Variants in DIP2A observed in about 807,000 individuals in gnomAD.
DIP2A encodes DIP2 acetate--CoA ligase A.
In DIP2A, 85 loss-of-function variants were observed where a neutral mutation model predicts 177.4. That is an observed-to-expected ratio of 0.48 (90% CI 0.40 to 0.57). The LOEUF (loss-of-function observed/expected upper bound fraction) is 0.57, where lower values mean the gene tolerates loss of function less well. Among genes scored for constraint, DIP2A ranks in the 20% least tolerant of loss-of-function variants. The probability of loss-of-function intolerance (pLI) is 0.00; values close to 1 mark genes in which losing one functional copy is unlikely to be tolerated. For synonymous variants in DIP2A, 886 were observed against 881.8 expected (o/e 1.00, Z -0.08); for missense variants, 1,791 against 2,100.2 (o/e 0.85, Z 2.88).
intron 8 of DIP2A, among the ~76,000 whole-genome samples, chr21:46,518,358 G>A (rs76619563): frequency 0.058 from 8,781 of 152,264 alleles, 333 homozygotes; most frequent in Non-Finnish European, 0.082. Context: ...TGGCCCATCA[G>A]TGTGGGTGGG....
At chr21:46,519,944 G>A (rs1019819978) in intron 8 of DIP2A, among the ~76,000 whole-genome samples, 2 of 130,800 alleles carry the variant, frequency 1.5e-5, no homozygotes, top group East Asian at 2.4e-4. Context: ...GTGCGATCTC[G>A]GCTCACTGCA....
rs775601186 is a variant in DIP2A, at chr21:46,558,255, G to C, written c.3831G>C (p.Thr1277=). 1.9e-6 allele frequency: 3 copies of C among 1,612,712 alleles called. No homozygotes were observed. Among genetic ancestry groups the C allele is most frequent in the Non-Finnish European group, 2.5e-6 (3 of 1,179,792 alleles). ...MKGVNLSCVR[T]CMVVAEERPR... is the part of the protein sequence containing the mutation. ...GGGTGAACCTGTCATGTGTGCGCAC[G>C]TGCATGGTGGTCGCCGAGGAGCGGC... is the stretch of plus-strand genomic sequence containing the variant. The change falls in exon 32 of 38, where the codon ACG becomes ACC. Residue 1277 remains threonine (T), a synonymous_variant. Transcript: ENST00000417564.
In DIP2A at chr21:46,556,516, T is replaced by C; in HGVS notation, c.3499-423T>C. ...GGCCAACGTGGTGAAACCCCGTCTC[T>C]ACTAAAAATACAAAAAATTAGCTGG... On this transcript the variant is annotated intron_variant, in intron 29 of 37. Coordinates refer to ENST00000417564, the MANE Select transcript of DIP2A (RefSeq NM_015151.4). This position sits in a 1 kb window ranked among gnomAD's most constrained non-coding sequence, Gnocchi z 4.5. 2 of 532,554 alleles carry C rather than the reference T, an allele frequency of 3.8e-6. No individual in the cohort carries two copies. 33.0% of individuals were successfully genotyped at this position (532,554 alleles called of 1,614,324 possible).
rs111391112 is a variant in DIP2A, at chr21:46,476,863, G to A, written c.92-7894G>A. 3.0e-4 allele frequency among the ~76,000 whole-genome samples: 45 copies of A among 152,090 alleles called. 3 individuals are homozygous for A. Among genetic ancestry groups the A allele is most frequent in the African/African-American group, 9.9e-4 (41 of 41,480 alleles). ...TTAGAGATGGGGTTTCACCATGTTGGCCACCATGGTCTCAAACTCCTGACC... is the reference window on the plus strand; with the variant it reads ...TTAGAGATGGGGTTTCACCATGTTGACCACCATGGTCTCAAACTCCTGACC... On this transcript the variant is annotated intron_variant, in intron 1 of 37. Transcript: ENST00000417564.
At position 46,557,357 on chromosome 21, in the gene DIP2A, G is replaced by A; in HGVS notation, c.3630-228G>A. On this transcript the variant is annotated intron_variant, in intron 30 of 37. Transcript: ENST00000417564. The surrounding 1 kb of genome is among the most constrained non-coding windows in gnomAD (Gnocchi z 6.0). Reference sequence around the variant, plus strand: ...TAGAAGTGAATGCCTCTGGAGTGGTGTCCCCGGATCCTCTCCAAGTGTTCG... The same window carrying A: ...TAGAAGTGAATGCCTCTGGAGTGGTATCCCCGGATCCTCTCCAAGTGTTCG... 1.6e-6 allele frequency: 1 copy of A among 639,186 alleles called. No individual in the cohort carries two copies. The highest frequency in any genetic ancestry group is 2.8e-5 in the East Asian group (1 of 36,204). The allele number at this position is 639,186 out of a possible 1,614,324, so 39.6% of individuals were successfully genotyped here.
the DIP2A span, among the ~76,000 whole-genome samples, chr21:46,581,579 G>A: frequency 1.3e-5 from 2 of 152,276 alleles, no homozygotes; most frequent in East Asian, 3.9e-4. Flanking sequence ...TCTCATCTTT[G>A]TGAGCTTGTC....
At chr21:46,544,759 G>A (rs1002341293) in intron 18 of DIP2A, among the ~76,000 whole-genome samples, 1 of 152,150 alleles carries the variant, frequency 6.6e-6, no homozygotes, top group Non-Finnish European at 1.5e-5. Flanking sequence ...GGTGTCCCGG[G>A]CTCGTGTGTG....
chr21:46,480,335 A>C (rs138960309), intron 1 of DIP2A, among the ~76,000 whole-genome samples: 5 of 152,126 alleles, frequency 3.3e-5, no homozygotes, highest in Non-Finnish European at 5.9e-5. Flanking sequence ...GAGACTTACT[A>C]TCCGGAGAAC....
chr21:46,525,656 A>T (rs369032329), intron 8 of DIP2A: 19 of 152,122 alleles, frequency 1.2e-4, no homozygotes, highest in Admixed American at 1.2e-3. Context: ...AACTGGAATG[A>T]TGTAGAGAAG....
chr21:46,481,812 A>C (rs1372665944), intron 1 of DIP2A, among the ~76,000 whole-genome samples: 1 of 152,198 alleles, frequency 6.6e-6, no homozygotes, highest in Admixed American at 6.5e-5. Context: ...GCACTTTGGG[A>C]GGCTGAGACG....
At position 46,551,827 on chromosome 21, in the gene DIP2A, C is replaced by T. The variant is rs2060283447; in HGVS notation, c.2953C>T (p.Leu985=). ...AGCAAGTCGCCCTCTCGTGCAGTTC[C>T]TGTTCCTGGCTGACGTGCTGCAGTG... The part of the protein sequence containing the change: ...LEDSDQARKF[L]FLADVLQWRA... Residue 985 remains leucine, a synonymous_variant, in exon 25 of 38, where the codon CTG becomes TTG. Transcript: ENST00000417564. 6.2e-7 allele frequency: 1 copy of T among 1,612,604 alleles called. No homozygotes were observed. The highest frequency in any genetic ancestry group is 1.7e-5 in the Admixed American group (1 of 59,832).
At position 46,537,436 on chromosome 21, in the gene DIP2A, TC is replaced by T. The variant is rs1379476401; in HGVS notation, c.1708-5del. On this transcript the variant is annotated splice_polypyrimidine_tract_variant and intron_variant, in intron 14 of 37. Coordinates refer to ENST00000417564, the MANE Select transcript of DIP2A (RefSeq NM_015151.4). The surrounding 1 kb of genome is among the most constrained non-coding windows in gnomAD (Gnocchi z 4.1). ...GCCCACTCGCCCTAAGCATGTGTGC[TC>T]CCCCACAGAGCGTCATGAACAGGAT... 1.9e-5 allele frequency: 31 copies of T among 1,613,916 alleles called. No individual in the cohort carries two copies. The highest frequency in any genetic ancestry group is 2.6e-5 in the Non-Finnish European group (31 of 1,179,898).
chr21:46,550,162 C>T (rs2060219055), intron 22 of DIP2A: 1 of 864,962 alleles, frequency 1.2e-6, no homozygotes, highest in African/African-American at 1.7e-5. Context: ...TGCACTCTCA[C>T]AGTGATTTTG....
At chr21:46,522,735 C>G (rs1231543490) in intron 8 of DIP2A, among the ~76,000 whole-genome samples, 1 of 152,172 alleles carries the variant, frequency 6.6e-6, no homozygotes, top group African/African-American at 2.4e-5. Context: ...CAAAACAGAG[C>G]AGAGCCTTAG....
intron 8 of DIP2A, among the ~76,000 whole-genome samples, chr21:46,523,965 A>G (rs986810689): frequency 6.6e-6 from 1 of 152,234 alleles, no homozygotes; most frequent in Non-Finnish European, 1.5e-5. Context: ...TGAGGAGCTC[A>G]GGGAGGCCGG....
In DIP2A at chr21:46,498,619, G is replaced by A; in HGVS notation, c.441G>A (p.Arg147=). ...CCTCAGAAGATGAGGGCTCTTTACG[G>A]CGACCCGGGCGACTCACCTCCACTC... ...SSASEDEGSL[R]RPGRLTSTPL... Residue 147 remains arginine, a synonymous_variant, in exon 5 of 38, where the codon CGG becomes CGA. Transcript: ENST00000417564. This position sits in a 1 kb window ranked among gnomAD's most constrained non-coding sequence, Gnocchi z 4.3. 6.2e-7 allele frequency: 1 copy of A among 1,612,438 alleles called. No individual in the cohort carries two copies. Among genetic ancestry groups the A allele is most frequent in the South Asian group, 1.1e-5 (1 of 91,028 alleles).
chr21:46,466,342 C>CTTTTT (rs71187318), intron 1 of DIP2A, among the ~76,000 whole-genome samples: 21 of 89,590 alleles, frequency 2.3e-4, no homozygotes, highest in Admixed American at 4.2e-4. Context: ...TACATTATAA[C>CTTTTT]TTTTTTTTTT....
chr21:46,484,436 A>G (rs537249744), intron 1 of DIP2A, among the ~76,000 whole-genome samples: 4 of 152,324 alleles, frequency 2.6e-5, no homozygotes, highest in South Asian at 2.1e-4. Flanking sequence ...GCCCCTGGCA[A>G]CCACTAGCTG....
At chr21:46,495,338 G>A (rs538902829) in intron 3 of DIP2A, among the ~76,000 whole-genome samples, 14 of 147,076 alleles carry the variant, frequency 9.5e-5, no homozygotes, top group Admixed American at 4.8e-4. Flanking sequence ...GCGTGATCTC[G>A]GCTCACCACA....
Sources: allele counts gnomAD v4.1 joint callset (sites outside exome capture counted in the v4.1 genomes callset), GRCh38; gene constraint gnomAD v4.1.1; non-coding constraint Gnocchi (gnomAD v3.1); transcripts MANE v1.5; gene names NCBI Gene and HGNC (gene_info 2026-07-23, HGNC 2026-07-21).